GLCE: variants seen among roughly 807,000 people sequenced by gnomAD.
GLCE encodes glucuronic acid epimerase.
Under a neutral mutation model 47.9 loss-of-function variants are expected in GLCE, and 19 were observed. The ratio of observed to expected loss-of-function variants is 0.40; its 90% CI spans 0.28 to 0.58. GLCE has a LOEUF of 0.58. Ranked by LOEUF, GLCE falls within the 20% of genes least tolerant of loss-of-function variation. The pLI is 0.48. For missense variants in GLCE, 556 were observed against 743.3 expected (o/e 0.75, Z 2.93); for synonymous variants, 245 against 263.4 (o/e 0.93, Z 0.68).
intron 1 of GLCE, among the ~76,000 whole-genome samples, chr15:69,192,196 G>A (rs1008689895): frequency 6.6e-6 from 1 of 151,786 alleles, no homozygotes; most frequent in Non-Finnish European, 1.5e-5. Context: ...GTTGATTGCC[G>A]ACATTGCTAC....
chr15:69,225,684 TG>T (rs2052436371), intron 2 of GLCE, among the ~76,000 whole-genome samples: 1 of 152,130 alleles, frequency 6.6e-6, no homozygotes, highest in South Asian at 2.1e-4. Context: ...GATTTCAGAG[TG>T]GTAGTGCTGA....
chr15:69,165,505 CTTT>C (rs1172987241), intron 1 of GLCE, among the ~76,000 whole-genome samples: 1 of 84,628 alleles, frequency 1.2e-5, no homozygotes, highest in Non-Finnish European at 2.3e-5. Context: ...GCACTGTCTG[CTTT>C]TTTTTTTTTT....
At chr15:69,219,493 T>C (rs2052351102) in intron 2 of GLCE, among the ~76,000 whole-genome samples, 1 of 152,142 alleles carries the variant, frequency 6.6e-6, no homozygotes, top group Non-Finnish European at 1.5e-5. Context: ...GTGTTATAAG[T>C]AGAACAACAA....
intron 1 of GLCE, among the ~76,000 whole-genome samples, chr15:69,168,934 A>G (rs2051544748): frequency 6.6e-6 from 1 of 152,224 alleles, no homozygotes; most frequent in Non-Finnish European, 1.5e-5. Flanking sequence ...TACATATGTA[A>G]ACATGTAACC....
chr15:69,213,464 A>T (rs1228079777), intron 2 of GLCE, among the ~76,000 whole-genome samples: 1 of 152,092 alleles, frequency 6.6e-6, no homozygotes, highest in African/African-American at 2.4e-5. Flanking sequence ...GTTTCCTCAT[A>T]ACTAGATTGA....
At chr15:69,187,929 T>A (rs1017067895) in intron 1 of GLCE, among the ~76,000 whole-genome samples, 1 of 152,090 alleles carries the variant, frequency 6.6e-6, no homozygotes, top group Non-Finnish European at 1.5e-5. Flanking sequence ...CCAGGCATGG[T>A]GGCACGCACC....
At chr15:69,213,424 G>A (rs989555172) in intron 2 of GLCE, among the ~76,000 whole-genome samples, 1 of 152,076 alleles carries the variant, frequency 6.6e-6, no homozygotes, top group Non-Finnish European at 1.5e-5. Context: ...TTTGTAGAAT[G>A]TCATTCAATT....
chr15:69,177,931 G>A (rs990621696), intron 1 of GLCE, among the ~76,000 whole-genome samples: 7 of 152,162 alleles, frequency 4.6e-5, no homozygotes, highest in Non-Finnish European at 1.0e-4. Flanking sequence ...GTTGTTGCAT[G>A]TATAAATAAT....
intron 1 of GLCE, among the ~76,000 whole-genome samples, chr15:69,191,219 A>AT (rs2051908367): frequency 1.3e-5 from 2 of 151,992 alleles, no homozygotes; most frequent in East Asian, 3.9e-4. Context: ...CTTTCTCAAT[A>AT]TTTTTTATTG....
chr15:69,225,225 A>C (rs1002086575), intron 2 of GLCE, among the ~76,000 whole-genome samples: 2 of 151,328 alleles, frequency 1.3e-5, no homozygotes, highest in Non-Finnish European at 1.5e-5. Context: ...AGATTATTTC[A>C]TCTGCCCTAC....
At chr15:69,198,048 C>T (rs1247195786) in intron 1 of GLCE, among the ~76,000 whole-genome samples, 1 of 152,100 alleles carries the variant, frequency 6.6e-6, no homozygotes, top group Non-Finnish European at 1.5e-5. Flanking sequence ...AACATCAGTG[C>T]CTGAGCCTTT....
At chr15:69,223,454 G>C (rs1404325932) in intron 2 of GLCE, among the ~76,000 whole-genome samples, 1 of 152,110 alleles carries the variant, frequency 6.6e-6, no homozygotes, top group Non-Finnish European at 1.5e-5. Context: ...TAACCTTCTT[G>C]AGAGTCCCTT....
chr15:69,183,135 G>C (rs547508337), intron 1 of GLCE, among the ~76,000 whole-genome samples: 1 of 152,310 alleles, frequency 6.6e-6, no homozygotes, highest in South Asian at 2.1e-4. Context: ...TAGATCTACT[G>C]AAGGGCAGAA....
At chr15:69,180,220 T>A (rs1046834931) in intron 1 of GLCE, among the ~76,000 whole-genome samples, 2 of 152,154 alleles carry the variant, frequency 1.3e-5, no homozygotes, top group Admixed American at 6.5e-5. Context: ...ATAGTCTTAA[T>A]ACTGTGGATA....
chr15:69,182,332 G>A (rs1487655980), intron 1 of GLCE, among the ~76,000 whole-genome samples: 1 of 150,732 alleles, frequency 6.6e-6, no homozygotes, highest in African/African-American at 2.4e-5. Context: ...TGTCCATCCA[G>A]CCACATGCAG....
chr15:69,245,580 A>T (rs1323195946), intron 2 of GLCE, among the ~76,000 whole-genome samples: 1 of 152,076 alleles, frequency 6.6e-6, no homozygotes, highest in Non-Finnish European at 1.5e-5. Flanking sequence ...TTCATGAAAG[A>T]TTTATCTGTA....
Position 69,242,415 on chromosome 15 carries a change from G to A in GLCE, c.-13-13379G>A, listed in dbSNP as rs572200612. Among the ~76,000 whole-genome samples, 7 of 151,810 alleles carry A rather than the reference G, an allele frequency of 4.6e-5. No individual in the cohort carries two copies. The South Asian group carries it at 8.3e-4, about 18-fold the overall frequency. On this transcript the variant is annotated intron_variant, in intron 2 of 4. Coordinates refer to ENST00000261858, the MANE Select transcript of GLCE (RefSeq NM_015554.3). The stretch of plus-strand genomic sequence containing the variant: ...TCTAAGTTATTTGAGAGCGGAAATC[G>A]TTTCTATATATATTTTTATTTTCCT...
chr15:69,207,152 C>T (rs2052163437), intron 1 of GLCE, among the ~76,000 whole-genome samples: 1 of 152,054 alleles, frequency 6.6e-6, no homozygotes. Context: ...AATAAATTTA[C>T]CCTACCCCCT....
intron 1 of GLCE, among the ~76,000 whole-genome samples, chr15:69,209,740 T>C (rs2052202916): frequency 6.6e-6 from 1 of 152,118 alleles, no homozygotes; most frequent in African/African-American, 2.4e-5. Flanking sequence ...AGAAAGTGGA[T>C]CTTTATCCCT....
Sources: gnomAD v4.1 joint callset for allele counts (sites outside exome capture counted in the v4.1 genomes callset) on GRCh38, gnomAD v4.1.1 for gene constraint, MANE v1.5 for transcripts, NCBI Gene and HGNC (gene_info 2026-07-23, HGNC 2026-07-21) for gene names.